The following PTPRM variants were observed in gnomAD, a reference collection of about 807,000 sequenced individuals.
PTPRM encodes the protein protein tyrosine phosphatase receptor type M.
In PTPRM, 47 loss-of-function variants were observed where a neutral mutation model predicts 186.7. That is an observed-to-expected ratio of 0.25 (90% CI 0.20 to 0.32). PTPRM has a LOEUF of 0.32. Among genes scored for constraint, PTPRM ranks in the 10% least tolerant of loss-of-function variants. PTPRM has a pLI of 1.00. For missense variants in PTPRM, 1,494 were observed against 1,865.0 expected (o/e 0.80, Z 3.66); for synonymous variants, 668 against 674.9 (o/e 0.99, Z 0.16).
At chr18:8,038,917 G>A (rs1407814612) in intron 7 of PTPRM, among the ~76,000 whole-genome samples, 11 of 152,136 alleles carry the variant, frequency 7.2e-5, no homozygotes, top group African/African-American at 2.7e-4. Flanking sequence ...ATAATCCATA[G>A]TAAAGCGTTT....
chr18:8,315,968 T>C (rs537223692), intron 21 of PTPRM, among the ~76,000 whole-genome samples: 2 of 152,320 alleles, frequency 1.3e-5, no homozygotes, highest in East Asian at 3.9e-4. Context: ...TTATTTTTTA[T>C]TAAAGCAAGC....
At chr18:7,869,200 G>A (rs2047862708) in intron 2 of PTPRM, among the ~76,000 whole-genome samples, 1 of 152,180 alleles carries the variant, frequency 6.6e-6, no homozygotes, top group South Asian at 2.1e-4. Context: ...TTCCAGGGGA[G>A]TGAACAGTTC....
intron 2 of PTPRM, among the ~76,000 whole-genome samples, chr18:7,833,997 A>G (rs550547085): frequency 6.6e-6 from 1 of 152,290 alleles, no homozygotes; most frequent in East Asian, 1.9e-4. Flanking sequence ...CAGTACTATC[A>G]TCAATAACAG....
intron 7 of PTPRM, among the ~76,000 whole-genome samples, chr18:7,955,742 G>T (rs1280536240): frequency 6.6e-6 from 1 of 152,166 alleles, no homozygotes; most frequent in African/African-American, 2.4e-5. Context: ...TAATAGGTCA[G>T]ACTCTCTTAC....
intron 19 of PTPRM, among the ~76,000 whole-genome samples, chr18:8,273,346 G>T (rs185378913): frequency 6.6e-6 from 1 of 152,072 alleles, no homozygotes; most frequent in African/African-American, 2.4e-5. Flanking sequence ...TGATTCTATA[G>T]ATCTCTCTAG....
intron 1 of PTPRM, among the ~76,000 whole-genome samples, chr18:7,576,904 C>T (rs1397312315): frequency 6.6e-6 from 1 of 152,164 alleles, no homozygotes; most frequent in Non-Finnish European, 1.5e-5. Context: ...TCTAGATATA[C>T]AATTATAAGG....
chr18:8,208,033 A>G (rs1038411572), intron 14 of PTPRM, among the ~76,000 whole-genome samples: 3 of 152,352 alleles, frequency 2.0e-5, no homozygotes, highest in African/African-American at 7.2e-5. Flanking sequence ...TAGGAGAAAC[A>G]GGGACTACCG....
chr18:7,975,627 C>G (rs2054880795), intron 7 of PTPRM, among the ~76,000 whole-genome samples: 1 of 152,134 alleles, frequency 6.6e-6, no homozygotes, highest in South Asian at 2.1e-4. Context: ...CACCTAGTAA[C>G]ATTGTAGCCA....
At chr18:8,056,481 G>A (rs1279670125) in intron 7 of PTPRM, among the ~76,000 whole-genome samples, 1 of 152,118 alleles carries the variant, frequency 6.6e-6, no homozygotes, top group Non-Finnish European at 1.5e-5. Context: ...AATTAGCCAG[G>A]CATTGTGGCA....
chr18:8,240,823 A>G (rs1289257593), intron 14 of PTPRM, among the ~76,000 whole-genome samples: 1 of 24,898 alleles, frequency 4.0e-5, no homozygotes, highest in Admixed American at 3.6e-4. Context: ...AGAGAGAGAG[A>G]GAGAAAGAAA....
At chr18:7,718,846 A>G (rs1371181410) in intron 1 of PTPRM, among the ~76,000 whole-genome samples, 2 of 152,234 alleles carry the variant, frequency 1.3e-5, no homozygotes, top group Non-Finnish European at 2.9e-5. Flanking sequence ...ATGCAAATTA[A>G]AACCATAATG....
At chr18:8,176,142 C>T (rs2093477438) in intron 14 of PTPRM, among the ~76,000 whole-genome samples, 1 of 151,960 alleles carries the variant, frequency 6.6e-6, no homozygotes, top group African/African-American at 2.4e-5. Context: ...TAATAGTTTC[C>T]TGAGGGAAAA....
intron 1 of PTPRM, among the ~76,000 whole-genome samples, chr18:7,757,161 C>G (rs2041538527): frequency 6.6e-6 from 1 of 152,212 alleles, no homozygotes; most frequent in African/African-American, 2.4e-5. Context: ...GTGAATTCTT[C>G]CTTGTTCTTC....
chr18:7,738,642 C>T (rs144633872), intron 1 of PTPRM, among the ~76,000 whole-genome samples: 1,790 of 151,126 alleles, frequency 0.012, 39 homozygotes, highest in African/African-American at 0.033. Flanking sequence ...GGGGTTTCAC[C>T]GTGTTAGCCA....
chr18:8,391,904 T>A (rs1343225416), intron 31 of PTPRM, among the ~76,000 whole-genome samples: 1 of 152,218 alleles, frequency 6.6e-6, no homozygotes, highest in Non-Finnish European at 1.5e-5. Flanking sequence ...CAATCTTGAA[T>A]TCTTACCAAG....
chr18:7,690,388 A>G (rs942661253), intron 1 of PTPRM, among the ~76,000 whole-genome samples: 1 of 152,194 alleles, frequency 6.6e-6, no homozygotes, highest in African/African-American at 2.4e-5. Flanking sequence ...ACCATTGTGT[A>G]TTCTTCCATT....
At chr18:8,147,324 T>C (rs946584533) in intron 14 of PTPRM, among the ~76,000 whole-genome samples, 18 of 152,216 alleles carry the variant, frequency 1.2e-4, no homozygotes, top group Admixed American at 1.0e-3. Context: ...CTTATTTCCT[T>C]GAGCAGTGGT....
intron 1 of PTPRM, among the ~76,000 whole-genome samples, chr18:7,583,121 T>A (rs759604563): frequency 3.9e-5 from 6 of 152,236 alleles, no homozygotes; most frequent in Non-Finnish European, 5.9e-5. Context: ...TTCCTTTATG[T>A]CTACAAACCC....
chr18:7,730,022 C>T (rs936714880), intron 1 of PTPRM, among the ~76,000 whole-genome samples: 13 of 152,250 alleles, frequency 8.5e-5, no homozygotes, highest in African/African-American at 1.7e-4. Flanking sequence ...GAATCTGTTA[C>T]ACCTAGAGCC....
Sources: allele counts gnomAD v4.1 joint callset (sites outside exome capture counted in the v4.1 genomes callset), GRCh38; gene constraint gnomAD v4.1.1; transcripts MANE v1.5; gene names NCBI Gene and HGNC (gene_info 2026-07-23, HGNC 2026-07-21).